The following AP3D1 variants were observed in gnomAD, a reference collection of about 807,000 sequenced individuals.
AP3D1 encodes the protein AP-3 complex subunit delta-1.
A neutral mutation model predicts 147.6 loss-of-function variants in AP3D1; 51 were observed. The observed-to-expected ratio is 0.35, with a 90% confidence interval of 0.28 to 0.44. AP3D1 has a LOEUF of 0.44. AP3D1 is among the 20% of genes least tolerant of loss of function. The pLI, the probability that AP3D1 is intolerant of heterozygous loss-of-function variation, is 1.00. For missense variants in AP3D1, 1,421 were observed against 1,624.2 expected (o/e 0.87, Z 2.15); for synonymous variants, 760 against 663.0 (o/e 1.15, Z -2.25).
intron 22 of AP3D1, 87 bp from the exon 23 acceptor site, chr19:2,113,500 G>A: frequency 2.8e-6 from 2 of 714,010 alleles, no homozygotes; most frequent in Non-Finnish European, 4.3e-6. Flanking sequence ...GGAGGCCCCA[G>A]CTGCCCTCGC....
At chr19:2,137,931 A>C (rs1599484912) in intron 2 of AP3D1, 124 bp from the exon 3 acceptor site, 26 of 655,036 alleles carry the variant, frequency 4.0e-5, no homozygotes, top group Admixed American at 7.7e-5. Context: ...CTGTCAGCAA[A>C]CCACCCAATA....
rs776535072 is a variant in AP3D1, at chr19:2,111,308, CGAG to C, written c.2959_2961del (p.Leu987del). On this transcript the variant is annotated inframe_deletion, in exon 26 of 32. Coordinates refer to ENST00000643116, the MANE Select transcript of AP3D1 (RefSeq NM_001261826.3). ...ACCATTTTAACATAGGAATTTTCAG[CGAG>C]GAGGGAGTAGCTGGACTCAGGCTGG... 13 of 1,613,890 alleles carry C rather than the reference CGAG, an allele frequency of 8.1e-6. No individual in the cohort carries two copies. The highest frequency in any genetic ancestry group is 1.1e-5 in the Non-Finnish European group (13 of 1,180,012).
upstream of AP3D1, chr19:2,151,637 G>GC (rs1388961155): frequency 3.3e-5 from 5 of 153,324 alleles, no homozygotes; most frequent in East Asian, 5.7e-4. Context: ...AGAAAGCCCC[G>GC]CCCCGCCACC....
intron 1 of AP3D1, among the ~76,000 whole-genome samples, chr19:2,146,744 G>A (rs534884965): frequency 1.9e-4 from 29 of 152,292 alleles, no homozygotes; most frequent in South Asian, 1.7e-3. Flanking sequence ...CACGGGGGAC[G>A]AGGGCACCTG....
At chr19:2,151,081 C>G (rs2019495436) in intron 1 of AP3D1, among the ~76,000 whole-genome samples, 158 bp downstream of exon 1, 1 of 152,234 alleles carries the variant, frequency 6.6e-6, no homozygotes, top group African/African-American at 2.4e-5. Flanking sequence ...GTGGGCGGCG[C>G]CCCAGGCCCA....
chr19:2,105,948 T>C (rs998209487), intron 31 of AP3D1, among the ~76,000 whole-genome samples: 1 of 151,970 alleles, frequency 6.6e-6, no homozygotes, highest in African/African-American at 2.4e-5. Flanking sequence ...GACAAAAAGA[T>C]TATCCAGGCG....
upstream of AP3D1, among the ~76,000 whole-genome samples, chr19:2,152,090 G>A (rs2019546312): frequency 6.6e-6 from 1 of 152,248 alleles, no homozygotes; most frequent in African/African-American, 2.4e-5. Flanking sequence ...AGAAAATGAG[G>A]CCAGAGACAG....
At chr19:2,106,041 T>C (rs1330882407) in intron 31 of AP3D1, among the ~76,000 whole-genome samples, 3 of 151,456 alleles carry the variant, frequency 2.0e-5, no homozygotes, top group Admixed American at 6.6e-5. Flanking sequence ...TGCAGTGAGC[T>C]GAGATCGCAC....
chr19:2,116,328 C>T (rs1449587434), intron 17 of AP3D1, 50 bp from the exon 18 acceptor site: 3 of 1,570,704 alleles, frequency 1.9e-6, no homozygotes, highest in Non-Finnish European at 2.6e-6. Context: ...CAGGATACCC[C>T]TCTGTGGACG....
chr19:2,147,202 CG>C (rs1414795883), intron 1 of AP3D1, among the ~76,000 whole-genome samples: 1 of 151,898 alleles, frequency 6.6e-6, no homozygotes, highest in Non-Finnish European at 1.5e-5. Context: ...AAAAATTAGC[CG>C]GGGTGGTGGC....
At chr19:2,130,714 T>C (rs987373886) in intron 5 of AP3D1, among the ~76,000 whole-genome samples, 177 bp from the exon 6 acceptor site, 1 of 152,158 alleles carries the variant, frequency 6.6e-6, no homozygotes, top group Non-Finnish European at 1.5e-5. Flanking sequence ...AGCCTCACTG[T>C]GCCCCTGACT....
rs1347796441 is a variant in AP3D1 at position 2,147,277 on chromosome 19, G to A, written c.96+3962C>T. Among the ~76,000 whole-genome samples, 17 of 151,052 alleles carry A rather than the reference G, an allele frequency of 1.1e-4. No individual in the cohort carries two copies. The South Asian group carries it at 1.7e-3, about 15-fold the overall frequency. On this transcript the variant is annotated intron_variant, in intron 1 of 31. Transcript: ENST00000643116. ...GGAGAATTGCTTGAACCTGGGAGGC[G>A]GAGGTTGCGGTGAGCCGAGATCGCG... is the stretch of plus-strand genomic sequence containing the variant.
At chr19:2,143,764 C>T (rs908317978) in intron 1 of AP3D1, among the ~76,000 whole-genome samples, 15 of 144,384 alleles carry the variant, frequency 1.0e-4, no homozygotes, top group African/African-American at 3.6e-4. Flanking sequence ...AAGACTGCCT[C>T]AAAAAAAAAA....
intron 9 of AP3D1, among the ~76,000 whole-genome samples, chr19:2,124,177 A>C (rs1019974347): frequency 6.6e-6 from 1 of 152,198 alleles, no homozygotes; most frequent in African/African-American, 2.4e-5. Flanking sequence ...TGGAGTCTGG[A>C]ATCCCGGCAG....
chr19:2,114,040 T>C, intron 22 of AP3D1, 85 bp downstream of exon 22: 1 of 1,475,952 alleles, frequency 6.8e-7, no homozygotes, highest in Non-Finnish European at 9.0e-7. Flanking sequence ...TCACAGCCAT[T>C]TCCCCTGAGC....
In AP3D1 at chr19:2,160,851, G is replaced by A. The variant is rs546655438; in HGVS notation, c.-103+3505C>T. ...CACTGCAGGGTGGTAAGCAGCGTCCGTGGCCTCCACCCACTCCATGCCAGG... is the reference window on the plus strand; with the variant it reads ...CACTGCAGGGTGGTAAGCAGCGTCCATGGCCTCCACCCACTCCATGCCAGG... On this transcript the variant is annotated intron_variant, in intron 1 of 14. Coordinates refer to the AP3D1 transcript ENST00000643010. Among the ~76,000 whole-genome samples the A allele has an allele frequency of 4.1e-4, 63 of 152,212 alleles. 1 individual carries two copies. In the South Asian group the frequency reaches 9.3e-3, roughly 23 times the overall value.
At position 2,151,361 on chromosome 19, in the gene AP3D1, G is replaced by GGGAGGCCCGCGGCTGGGCGCCGTGA; in HGVS notation, c.-52_-28dup. On this transcript the variant is annotated 5_prime_UTR_variant, in exon 1 of 32. Coordinates refer to ENST00000643116, the MANE Select transcript of AP3D1 (RefSeq NM_001261826.3). Reference sequence around the variant, plus strand: ...GCGGCGGCCCACGGGCTTTTGCCTCGGGAGGCCCGCGGCTGGGCGCCGTGA... The same window carrying GGGAGGCCCGCGGCTGGGCGCCGTGA: ...GCGGCGGCCCACGGGCTTTTGCCTCGGGAGGCCCGCGGCTGGGCGCCGTGAGGAGGCCCGCGGCTGGGCGCCGTGA... 2 of 1,506,516 alleles carry GGGAGGCCCGCGGCTGGGCGCCGTGA rather than the reference G, an allele frequency of 1.3e-6. No individual in the cohort carries two copies. Among genetic ancestry groups the GGGAGGCCCGCGGCTGGGCGCCGTGA allele is most frequent in the East Asian group, 5.4e-5 (2 of 37,012 alleles). 93.3% of individuals were successfully genotyped at this position (1,506,516 alleles called of 1,614,324 possible).
rs181191852 is a variant in AP3D1, at chr19:2,160,713, T to G, written c.-103+3643A>C. Among the ~76,000 whole-genome samples, 5 of 152,214 alleles carry G rather than the reference T, an allele frequency of 3.3e-5. No homozygotes were observed. In the East Asian group the frequency reaches 9.6e-4, roughly 29 times the overall value. ...TGAGGATATAGATAGAGTGCCTGCCTACACAGGATTCTGGAGAAATCAACT... is the reference window on the plus strand; with the variant it reads ...TGAGGATATAGATAGAGTGCCTGCCGACACAGGATTCTGGAGAAATCAACT... On this transcript the variant is annotated intron_variant, in intron 1 of 14. Coordinates refer to the AP3D1 transcript ENST00000643010.
chr19:2,152,208 C>T (rs1208852476), upstream of AP3D1, among the ~76,000 whole-genome samples: 3 of 151,962 alleles, frequency 2.0e-5, no homozygotes, highest in Admixed American at 2.0e-4. Flanking sequence ...ATACTGAGTC[C>T]CTGCCTTCCG....
Sources: gnomAD v4.1 joint callset for allele counts (sites outside exome capture counted in the v4.1 genomes callset) on GRCh38, gnomAD v4.1.1 for gene constraint, MANE v1.5 for transcripts, NCBI Gene and HGNC (gene_info 2026-07-23, HGNC 2026-07-21) for gene names.